CD96: variants seen among roughly 807,000 people sequenced by gnomAD.
The protein encoded by CD96 is T-cell surface protein tactile.
In CD96, 70 loss-of-function variants were observed where a neutral mutation model predicts 71.3. The ratio of observed to expected loss-of-function variants is 0.98; its 90% CI spans 0.81 to 1.20. CD96 has a LOEUF of 1.20. CD96 is among the 50% of genes most tolerant of loss of function. The pLI, the probability that CD96 is intolerant of heterozygous loss-of-function variation, is 0.00. For synonymous variants in CD96, 248 were observed against 233.0 expected, an observed-to-expected ratio of 1.06 and a Z score of -0.59; for missense variants, 742 against 677.5, an observed-to-expected ratio of 1.10 and a Z score of -1.06.
At chr3:111,606,953 G>A (rs139139680) in intron 8 of CD96, 161 bp downstream of exon 8, 50 of 683,754 alleles carry the variant, frequency 7.3e-5, no homozygotes, top group East Asian at 1.1e-4. Flanking sequence ...TATAATTCAC[G>A]TCACATTAAC....
intron 3 of CD96, among the ~76,000 whole-genome samples, chr3:111,569,201 T>C (rs1935858940): frequency 1.3e-5 from 2 of 152,174 alleles, no homozygotes; most frequent in Admixed American, 1.3e-4. Flanking sequence ...ATAATTGACT[T>C]GTACTAAAAA....
Position 111,649,748 on chromosome 3 carries a change from C to G in CD96, c.1652C>G (p.Thr551Ser). 1 of 1,614,084 alleles carries G rather than the reference C, an allele frequency of 6.2e-7. No homozygotes were observed. The highest frequency in any genetic ancestry group is 8.5e-7 in the Non-Finnish European group (1 of 1,179,878). The change falls in exon 14 of 14, where the codon ACT becomes AGT. Residue 551 changes from threonine to serine, a missense_variant. Transcript: ENST00000352690. ...FKPPPPPIKY[T>S]CIQEPNESDL... ...CCACCACCACCTCCCATCAAGTACA[C>G]TTGCATTCAAGAGCCCAACGAAAGT...
At chr3:111,624,969 A>C (rs562064373) in intron 10 of CD96, among the ~76,000 whole-genome samples, 1 of 152,342 alleles carries the variant, frequency 6.6e-6, no homozygotes, top group East Asian at 1.9e-4. Flanking sequence ...TCTTAGTGGT[A>C]TTAGACAACG....
At chr3:111,545,460 G>T in intron 2 of CD96, 58 bp downstream of exon 2, 1 of 1,177,652 alleles carries the variant, frequency 8.5e-7, no homozygotes, top group Non-Finnish European at 1.3e-6. Context: ...TTCAACAAAT[G>T]TACATTTTAA....
intron 10 of CD96, among the ~76,000 whole-genome samples, chr3:111,630,358 C>T (rs926129177): frequency 2.0e-5 from 3 of 152,044 alleles, no homozygotes. Context: ...TACAAACAAT[C>T]GTTAGAGAAA....
chr3:111,567,367 A>G (rs973175866), intron 2 of CD96, among the ~76,000 whole-genome samples, 156 bp from the exon 3 acceptor site: 1 of 152,148 alleles, frequency 6.6e-6, no homozygotes, highest in Admixed American at 6.5e-5. Context: ...CCACTTATAC[A>G]ATGAGGGCTA....
chr3:111,660,236 G>T (rs1940323950), intron 14 of CD96, among the ~76,000 whole-genome samples: 2 of 152,178 alleles, frequency 1.3e-5, no homozygotes, highest in South Asian at 4.1e-4. Context: ...CAGGCTGCGA[G>T]TGAAATCAAG....
Position 111,557,192 on chromosome 3 carries a change from A to G in CD96, c.419-10331A>G, listed in dbSNP as rs1191317247. 1.9e-4 allele frequency among the ~76,000 whole-genome samples: 22 copies of G among 117,272 alleles called. 1 individual carries two copies. Among genetic ancestry groups the G allele is most frequent in the Middle Eastern group, 3.7e-3 (1 of 270 alleles). 76.9% of individuals were successfully genotyped at this position (117,272 alleles called of 152,430 possible). ...CTGATGGTAGTTTCTTTTGCTGTGC[A>G]GAAGCTCTTTAGTTTAATTAGATCC... On this transcript the variant is annotated intron_variant, in intron 2 of 13. Transcript: ENST00000352690.
Position 111,593,677 on chromosome 3 carries a change from T to G in CD96, c.808-4443T>G, listed in dbSNP as rs747063283. ...CCTCCTCCAGGGCTCGCTCCCTTTT[T>G]TCCACAGCCCTCTCCCGCCATTCCA... is the stretch of plus-strand genomic sequence containing the variant. On this transcript the variant is annotated intron_variant, in intron 5 of 13. Transcript: ENST00000352690. The G allele has an allele frequency of 6.8e-6, 11 of 1,612,156 alleles. No homozygotes were observed. The East Asian group carries it at 2.5e-4, about 36-fold the overall frequency.
chr3:111,626,172 G>A (rs889898727), intron 10 of CD96, among the ~76,000 whole-genome samples: 1 of 151,876 alleles, frequency 6.6e-6, no homozygotes, highest in African/African-American at 2.4e-5. Context: ...GTGGTGGTGG[G>A]CACCTGTAGT....
chr3:111,625,423 G>T (rs761930331), intron 10 of CD96, among the ~76,000 whole-genome samples: 3 of 151,942 alleles, frequency 2.0e-5, no homozygotes, highest in Admixed American at 1.3e-4. Flanking sequence ...CCAAATATAA[G>T]AATTGAAAAG....
At chr3:111,600,576 C>A (rs918636422) in intron 6 of CD96, 150 bp from the exon 7 acceptor site, 2 of 642,506 alleles carry the variant, frequency 3.1e-6, no homozygotes, top group South Asian at 1.8e-5. Context: ...AATTTCAGAT[C>A]TGCTGAAATT....
chr3:111,604,625 C>CA (rs953337046), intron 7 of CD96, among the ~76,000 whole-genome samples: 8 of 152,314 alleles, frequency 5.3e-5, no homozygotes, highest in Admixed American at 3.3e-4. Flanking sequence ...CCTCAGCTTA[C>CA]AAAATCACTT....
intron 4 of CD96, among the ~76,000 whole-genome samples, chr3:111,580,712 C>A (rs1018090643): frequency 1.3e-5 from 2 of 152,134 alleles, no homozygotes; most frequent in Non-Finnish European, 2.9e-5. Flanking sequence ...CTCTTCATCT[C>A]TCCTCAGGGA....
At chr3:111,657,571 T>C (rs1275628078) in intron 14 of CD96, among the ~76,000 whole-genome samples, 1 of 152,182 alleles carries the variant, frequency 6.6e-6, no homozygotes, top group Non-Finnish European at 1.5e-5. Flanking sequence ...ATTTTTTTAT[T>C]GTAATGATAT....
At chr3:111,546,100 A>G (rs79151178) in intron 2 of CD96, among the ~76,000 whole-genome samples, 1 of 152,336 alleles carries the variant, frequency 6.6e-6, no homozygotes, top group East Asian at 1.9e-4. Context: ...GTAGCCCAGA[A>G]AAGAGAGAGT....
At chr3:111,632,622 A>G (rs1262440048) in intron 10 of CD96, among the ~76,000 whole-genome samples, 5 of 152,240 alleles carry the variant, frequency 3.3e-5, no homozygotes, top group African/African-American at 1.2e-4. Flanking sequence ...TACTGAGTGT[A>G]TACCCAAAGG....
At chr3:111,615,703 T>C (rs974494084) in intron 8 of CD96, among the ~76,000 whole-genome samples, 7 of 152,178 alleles carry the variant, frequency 4.6e-5, no homozygotes, top group Non-Finnish European at 8.8e-5. Context: ...GATACTGATG[T>C]AAACAAAACC....
chr3:111,639,365 C>A (rs191699566), intron 12 of CD96, among the ~76,000 whole-genome samples: 1 of 152,296 alleles, frequency 6.6e-6, no homozygotes, highest in African/African-American at 2.4e-5. Context: ...GCTTTCCCCC[C>A]TCTTTCCTGA....
Sources: gnomAD v4.1 joint callset for allele counts (sites outside exome capture counted in the v4.1 genomes callset) on GRCh38, gnomAD v4.1.1 for gene constraint, MANE v1.5 for transcripts, NCBI Gene and HGNC (gene_info 2026-07-23, HGNC 2026-07-21) for gene names.